The following NR3C2 variants were observed in gnomAD, a reference collection of about 807,000 sequenced individuals.
NR3C2 encodes the protein mineralocorticoid receptor.
In NR3C2, 15 loss-of-function variants were observed where a neutral mutation model predicts 86.4. The observed-to-expected ratio is 0.17, with a 90% CI of 0.12 to 0.27. The LOEUF (loss-of-function observed/expected upper bound fraction) is 0.27. Ranked by LOEUF, NR3C2 falls within the 10% of genes least tolerant of loss-of-function variation. The pLI is 1.00. For synonymous variants in NR3C2, 458 were observed against 450.5 expected, an observed-to-expected ratio of 1.02 and a Z score of -0.21; for missense variants, 960 against 1,195.6, an observed-to-expected ratio of 0.80 and a Z score of 2.91.
At chr4:148,278,346 A>T (rs1741063990) in intron 2 of NR3C2, among the ~76,000 whole-genome samples, 2 of 152,118 alleles carry the variant, frequency 1.3e-5, no homozygotes, top group Admixed American at 6.5e-5. Context: ...GCGATCTGCC[A>T]GCCTTGGACT....
chr4:148,286,819 C>CA (rs1230900232), intron 2 of NR3C2, among the ~76,000 whole-genome samples: 1 of 152,014 alleles, frequency 6.6e-6, no homozygotes, highest in Admixed American at 6.6e-5. Context: ...ACAATAACAG[C>CA]AAAAAAATTC....
At chr4:148,257,353 C>A (rs1394916838) in intron 3 of NR3C2, among the ~76,000 whole-genome samples, 1 of 152,086 alleles carries the variant, frequency 6.6e-6, no homozygotes, top group Non-Finnish European at 1.5e-5. Flanking sequence ...TTATTAGAGT[C>A]AAGGAGGCAT....
chr4:148,130,784 C>T (rs1430458948), intron 6 of NR3C2, among the ~76,000 whole-genome samples: 1 of 144,466 alleles, frequency 6.9e-6, no homozygotes, highest in Non-Finnish European at 1.5e-5. Flanking sequence ...TCTCAATGAA[C>T]ACGTTTTTTT....
intron 2 of NR3C2, among the ~76,000 whole-genome samples, chr4:148,411,650 T>C (rs1415884927): frequency 6.6e-6 from 1 of 152,224 alleles, no homozygotes; most frequent in Non-Finnish European, 1.5e-5. Flanking sequence ...TATTGAGATC[T>C]ATCCTTAAAC....
At chr4:148,331,267 G>A (rs1744221938) in intron 2 of NR3C2, among the ~76,000 whole-genome samples, 3 of 144,270 alleles carry the variant, frequency 2.1e-5, no homozygotes, top group African/African-American at 2.7e-5. Flanking sequence ...TAAGAAAAAA[G>A]CAGCAGGTGG....
chr4:148,409,576 T>A (rs1748594012), intron 2 of NR3C2, among the ~76,000 whole-genome samples: 1 of 152,192 alleles, frequency 6.6e-6, no homozygotes, highest in Non-Finnish European at 1.5e-5. Flanking sequence ...TTAGAAATGT[T>A]ATTTTTCTTT....
At chr4:148,244,269 G>T (rs1454938317) in intron 3 of NR3C2, among the ~76,000 whole-genome samples, 1 of 152,186 alleles carries the variant, frequency 6.6e-6, no homozygotes, top group Admixed American at 6.5e-5. Context: ...TGAGAAGGGT[G>T]TCCATCCCAG....
At chr4:148,348,239 C>G (rs1745097596) in intron 2 of NR3C2, among the ~76,000 whole-genome samples, 1 of 152,050 alleles carries the variant, frequency 6.6e-6, no homozygotes, top group African/African-American at 2.4e-5. Context: ...AAGTTACATT[C>G]CCCCACCAGC....
In NR3C2 at chr4:148,217,235, T is replaced by C. The variant is rs371669557; in HGVS notation, c.1898-22373A>G. Among the ~76,000 whole-genome samples the C allele has an allele frequency of 7.8e-4, 119 of 152,328 alleles. 1 individual carries two copies. The South Asian group carries it at 0.023, about 29-fold the overall frequency. ...TCTCTGGCTGGGAGAAAACTCACCATATGAAGCTTCTGTTGACCTCCCTTG... is the reference window on the plus strand; with the variant it reads ...TCTCTGGCTGGGAGAAAACTCACCACATGAAGCTTCTGTTGACCTCCCTTG... On this transcript the variant is annotated intron_variant, in intron 3 of 8. Transcript: ENST00000358102.
chr4:148,136,118 C>CA lies in NR3C2; in HGVS notation c.2511-15831dup, dbSNP rs1229229227. Reference sequence around the variant, plus strand: ...CACCAAAACCAACAAAAAAAACAAACAAAAAAACTTTGTCCAGTCTGTGTT... The same window carrying CA: ...CACCAAAACCAACAAAAAAAACAAACAAAAAAAACTTTGTCCAGTCTGTGTT... On this transcript the variant is annotated intron_variant, in intron 6 of 8. Coordinates refer to ENST00000358102, the MANE Select transcript of NR3C2 (RefSeq NM_000901.5). 2.2e-4 allele frequency among the ~76,000 whole-genome samples: 30 copies of CA among 133,508 alleles called. No homozygotes were observed. In the East Asian group the frequency reaches 5.8e-3, roughly 26 times the overall value. 87.6% of individuals were successfully genotyped at this position (133,508 alleles called of 152,430 possible).
At chr4:148,426,009 C>T (rs78730030) in intron 2 of NR3C2, among the ~76,000 whole-genome samples, 2,093 of 152,264 alleles carry the variant, frequency 0.014, 48 homozygotes, top group African/African-American at 0.047. Context: ...CATCAATCCT[C>T]TTGTCTCTCT....
chr4:148,371,358 A>G (rs952013036), intron 2 of NR3C2, among the ~76,000 whole-genome samples: 1 of 152,124 alleles, frequency 6.6e-6, no homozygotes, highest in African/African-American at 2.4e-5. Context: ...TCTTATAATC[A>G]TATAATAGAA....
chr4:148,136,072 A>C lies in NR3C2; in HGVS notation c.2511-15784T>G, dbSNP rs1343292296. Among the ~76,000 whole-genome samples, 61 of 43,418 alleles carry C rather than the reference A, an allele frequency of 1.4e-3. 1 individual carries two copies. Among genetic ancestry groups the C allele is most frequent in the East Asian group, 8.3e-3 (4 of 480 alleles). The allele number at this position is 43,418 out of a possible 152,430, so 28.5% of individuals were successfully genotyped here. A position where few individuals can be genotyped will look rare whatever the true frequency, so the allele number is the denominator to read the frequency against. On this transcript the variant is annotated intron_variant, in intron 6 of 8. Coordinates refer to ENST00000358102, the MANE Select transcript of NR3C2 (RefSeq NM_000901.5). ...ACTCCGTCTCAAAAAAAAAAAAAAA[A>C]AAAACAAAAAAAAAAAACACCACCA...
chr4:148,307,207 A>G (rs1742674752), intron 2 of NR3C2, among the ~76,000 whole-genome samples: 1 of 152,088 alleles, frequency 6.6e-6, no homozygotes, highest in South Asian at 2.1e-4. Flanking sequence ...GACAACTATC[A>G]TTCAAAGAAT....
At chr4:148,290,514 G>T (rs1741745912) in intron 2 of NR3C2, among the ~76,000 whole-genome samples, 1 of 152,194 alleles carries the variant, frequency 6.6e-6, no homozygotes, top group African/African-American at 2.4e-5. Context: ...CTGCAGCACA[G>T]ATAACTAATA....
At position 148,436,453 on chromosome 4, in the gene NR3C2, AT is replaced by A. The variant is rs1202159596; in HGVS notation, c.407del (p.Asn136MetfsTer6). On this transcript the variant is annotated frameshift_variant, in exon 2 of 9. Transcript: ENST00000358102. ...TGTAAAATTTCACCAGCTGTTCAAC[AT>A]TCTGATAAATCTTAGCTGGACTCAT... ...GSMSPAKIYQNVEQLVKFYKG... is the reference protein window; with the variant it reads ...GSMSPAKIYQXVEQLVKFYKG... The A allele has an allele frequency of 6.2e-7, 1 of 1,614,222 alleles. No homozygotes were observed. The highest frequency in any genetic ancestry group is 1.7e-5 in the Admixed American group (1 of 60,024).
intron 2 of NR3C2, among the ~76,000 whole-genome samples, chr4:148,373,470 C>CTTT (rs774726733): frequency 0.067 from 8,628 of 129,524 alleles, 872 homozygotes; most frequent in African/African-American, 0.18. Flanking sequence ...TAAAGGATGA[C>CTTT]TTTTTTTTTC....
intron 2 of NR3C2, among the ~76,000 whole-genome samples, chr4:148,301,708 A>G (rs1742343971): frequency 6.6e-6 from 1 of 152,184 alleles, no homozygotes; most frequent in Non-Finnish European, 1.5e-5. Context: ...CTGGAATTCT[A>G]TTTCATAACA....
At chr4:148,278,719 T>A (rs1375181330) in intron 2 of NR3C2, among the ~76,000 whole-genome samples, 1 of 152,176 alleles carries the variant, frequency 6.6e-6, no homozygotes, top group Non-Finnish European at 1.5e-5. Context: ...TAAGAAACTT[T>A]GGTGACAAAC....
Sources: gnomAD v4.1 joint callset for allele counts (sites outside exome capture counted in the v4.1 genomes callset) on GRCh38, gnomAD v4.1.1 for gene constraint, MANE v1.5 for transcripts, NCBI Gene and HGNC (gene_info 2026-07-23, HGNC 2026-07-21) for gene names.